CHST13: variants seen among roughly 807,000 people sequenced by gnomAD.
CHST13 encodes C4ST-3.
In CHST13, 1 loss-of-function variant was observed where a neutral mutation model predicts 7.0. The ratio of observed to expected loss-of-function variants is 0.14; its 90% CI spans 0.05 to 0.68. The LOEUF (loss-of-function observed/expected upper bound fraction) is 0.68. CHST13 is among the 30% of genes least tolerant of loss of function. The pLI is 0.82. For synonymous variants in CHST13, 257 were observed against 240.9 expected (o/e 1.07, Z -0.62); for missense variants, 572 against 507.9 (o/e 1.13, Z -1.21).
intron 1 of CHST13, among the ~76,000 whole-genome samples, chr3:126,535,235 T>A (rs1350495031): frequency 1.6e-5 from 2 of 125,938 alleles, no homozygotes; most frequent in African/African-American, 6.3e-5. Flanking sequence ...ACAGACAGCA[T>A]CCCTGTCCTC....
intron 2 of CHST13, among the ~76,000 whole-genome samples, chr3:126,536,916 C>A (rs561974585): frequency 6.6e-6 from 1 of 151,620 alleles, no homozygotes; most frequent in East Asian, 1.9e-4. Context: ...CACACACACA[C>A]ACACACACCC....
chr3:126,541,736 C>T lies in CHST13; in HGVS notation c.184C>T (p.Pro62Ser). 2 of 1,467,272 alleles carry T rather than the reference C, an allele frequency of 1.4e-6. No homozygotes were observed. Among genetic ancestry groups the T allele is most frequent in the South Asian group, 2.7e-5 (2 of 73,270 alleles). 90.9% of individuals were successfully genotyped at this position (1,467,272 alleles called of 1,614,324 possible). A position where few individuals can be genotyped will look rare whatever the true frequency, so the allele number is the denominator to read the frequency against. The change falls in exon 3 of 3, where the codon CCG (proline) becomes TCG (serine). Residue 62 changes from proline to serine, a missense_variant. Transcript: ENST00000319340. ...TCCCGTCTCCTGTCGCCCACAGGAC[C>T]CGCGCTCGACCCTGGCGAAGGTGCA... ...LQKLYDLDQD[P>S]RSTLAKVHRQ... is the part of the protein sequence containing the mutation.
chr3:126,536,879 T>G (rs1052513410), intron 2 of CHST13, among the ~76,000 whole-genome samples: 3 of 112,152 alleles, frequency 2.7e-5, no homozygotes, highest in African/African-American at 1.1e-4. Flanking sequence ...TCTCTCTCTT[T>G]CTCACACACA....
At chr3:126,537,001 A>C (rs144807187) in intron 2 of CHST13, among the ~76,000 whole-genome samples, 1 of 152,222 alleles carries the variant, frequency 6.6e-6, no homozygotes, top group Non-Finnish European at 1.5e-5. Context: ...GGATGCTGAG[A>C]TCCAGCAGCA....
At chr3:126,538,405 T>C (rs1936846016) in intron 2 of CHST13, among the ~76,000 whole-genome samples, 1 of 152,240 alleles carries the variant, frequency 6.6e-6, no homozygotes, top group South Asian at 2.1e-4. Flanking sequence ...GAGTCTTTCC[T>C]GGGAGTCATC....
chr3:126,525,971 G>A (rs994650153), intron 1 of CHST13, among the ~76,000 whole-genome samples: 4 of 152,124 alleles, frequency 2.6e-5, no homozygotes, highest in African/African-American at 7.2e-5. Flanking sequence ...GGACGGCTCC[G>A]AACCTCCCTT....
At chr3:126,524,807 C>T (rs536250248) in intron 1 of CHST13, among the ~76,000 whole-genome samples, 1 of 152,188 alleles carries the variant, frequency 6.6e-6, no homozygotes, top group Non-Finnish European at 1.5e-5. Flanking sequence ...CGCTGCTGGG[C>T]GCATGCGCAT....
At chr3:126,530,464 C>T (rs115637063) in intron 1 of CHST13, among the ~76,000 whole-genome samples, 2,078 of 152,316 alleles carry the variant, frequency 0.014, 29 homozygotes, top group African/African-American at 0.034. Context: ...GCAACTGCCC[C>T]TCCACCCCCT....
intron 2 of CHST13, among the ~76,000 whole-genome samples, chr3:126,539,166 C>T (rs1382902524): frequency 1.3e-5 from 2 of 152,138 alleles, no homozygotes; most frequent in African/African-American, 4.8e-5. Flanking sequence ...AAGGAACCCC[C>T]ACCTTCCCAC....
chr3:126,536,169 T>G, intron 1 of CHST13, 102 bp from the exon 2 acceptor site: 1 of 879,296 alleles, frequency 1.1e-6, no homozygotes, highest in Non-Finnish European at 1.9e-6. Flanking sequence ...GGAAATTGAG[T>G]GCCAGAGGTG....
rs1936999775 is a variant in CHST13, at chr3:126,542,767, C to G, written c.*189C>G. The G allele has an allele frequency of 2.5e-6, 2 of 809,488 alleles. No homozygotes were observed. Among genetic ancestry groups the G allele is most frequent in the South Asian group, 6.7e-5 (2 of 29,836 alleles). The allele number at this position is 809,488 out of a possible 1,614,324, so 50.1% of individuals were successfully genotyped here. ...GCAGCCCATCTCAGGTGGCCCTGCA[C>G]GCGTGTGCCTGCCTCGGCCTGTCGC... On this transcript the variant is annotated 3_prime_UTR_variant, in exon 3 of 3. Coordinates refer to ENST00000319340, the MANE Select transcript of CHST13 (RefSeq NM_152889.3).
At chr3:126,538,811 G>C (rs1036147064) in intron 2 of CHST13, among the ~76,000 whole-genome samples, 1 of 152,192 alleles carries the variant, frequency 6.6e-6, no homozygotes, top group Non-Finnish European at 1.5e-5. Context: ...GTGGCTAAGT[G>C]ACTGTCTTAT....
chr3:126,528,668 C>T (rs1190173758), intron 1 of CHST13, among the ~76,000 whole-genome samples: 2 of 152,122 alleles, frequency 1.3e-5, no homozygotes, highest in African/African-American at 4.8e-5. Context: ...GTTCTGGAGG[C>T]ACAGCCGACA....
chr3:126,536,925 C>A (rs1453758985), intron 2 of CHST13, among the ~76,000 whole-genome samples: 5 of 129,864 alleles, frequency 3.9e-5, no homozygotes, highest in Non-Finnish European at 6.6e-5. Flanking sequence ...ACACACACAC[C>A]CCACACACAC....
chr3:126,535,569 C>CAGAT (rs1560140077), intron 1 of CHST13, among the ~76,000 whole-genome samples: 6 of 145,126 alleles, frequency 4.1e-5, no homozygotes, highest in African/African-American at 1.6e-4. Context: ...GACAGACAGA[C>CAGAT]AGACAGCATC....
intron 1 of CHST13, among the ~76,000 whole-genome samples, chr3:126,531,926 A>G (rs78882923): frequency 0.01 from 1,543 of 152,340 alleles, 24 homozygotes; most frequent in African/African-American, 0.033. Flanking sequence ...CCCCACCAGC[A>G]ATATATGAGG....
At chr3:126,531,159 G>T (rs1010008625) in intron 1 of CHST13, among the ~76,000 whole-genome samples, 1 of 152,274 alleles carries the variant, frequency 6.6e-6, no homozygotes, top group Non-Finnish European at 1.5e-5. Flanking sequence ...ACCAGCAGCC[G>T]CAGCCTCACC....
At chr3:126,529,460 C>T (rs1936604535) in intron 1 of CHST13, 1 of 1,175,346 alleles carries the variant, frequency 8.5e-7, no homozygotes, top group African/African-American at 1.6e-5. Context: ...CAGATGCTGG[C>T]ACCGGTGGCC....
At chr3:126,526,250 G>A (rs1463297617) in intron 1 of CHST13, among the ~76,000 whole-genome samples, 1 of 152,232 alleles carries the variant, frequency 6.6e-6, no homozygotes, top group African/African-American at 2.4e-5. Flanking sequence ...CCTGCAGGTG[G>A]CACACAGGGA....
Sources: gnomAD v4.1 joint callset for allele counts (sites outside exome capture counted in the v4.1 genomes callset) on GRCh38, gnomAD v4.1.1 for gene constraint, MANE v1.5 for transcripts, NCBI Gene and HGNC (gene_info 2026-07-23, HGNC 2026-07-21) for gene names.